The following RNF6 variants were observed in gnomAD, a reference collection of about 807,000 sequenced individuals.
The protein encoded by RNF6 is E3 ubiquitin-protein ligase RNF6.
In RNF6, 21 loss-of-function variants were observed where a neutral mutation model predicts 50.1. That is an observed-to-expected ratio of 0.42 (90% CI 0.30 to 0.60). RNF6 has a LOEUF of 0.60. Ranked by LOEUF, RNF6 falls within the 20% of genes least tolerant of loss-of-function variation. The pLI is 0.20. For synonymous variants in RNF6, 255 were observed against 291.8 expected, an observed-to-expected ratio of 0.87 and a Z score of 1.29; for missense variants, 698 against 838.2, an observed-to-expected ratio of 0.83 and a Z score of 2.07.
chr13:26,163,158 A>G (rs1287353621), intron 5 of RNF6, among the ~76,000 whole-genome samples: 3 of 152,156 alleles, frequency 2.0e-5, no homozygotes, highest in African/African-American at 7.2e-5. Context: ...TAAAAATACA[A>G]AAAATTAGCC....
chr13:26,222,761 G>A (rs1309788479), upstream of RNF6: 1 of 152,302 alleles, frequency 6.6e-6, no homozygotes, highest in Non-Finnish European at 1.5e-5. Context: ...CCCAGTAGCT[G>A]GAACTACAGG....
At chr13:26,150,016 GTA>G (rs1259715335) in intron 5 of RNF6, among the ~76,000 whole-genome samples, 3 of 128,352 alleles carry the variant, frequency 2.3e-5, no homozygotes, top group African/African-American at 9.4e-5. Context: ...TATATAATGT[GTA>G]TATATATATA....
chr13:26,177,683 C>A (rs2137649794), intron 5 of RNF6, among the ~76,000 whole-genome samples: 1 of 152,266 alleles, frequency 6.6e-6, no homozygotes, highest in East Asian at 1.9e-4. Context: ...ACCTAAGTAC[C>A]ACCCTTCAGC....
In RNF6 at chr13:26,218,546, G is replaced by A; in HGVS notation, c.254C>T (p.Ser85Phe). The A allele has an allele frequency of 1.2e-6, 2 of 1,613,912 alleles. No homozygotes were observed. The highest frequency in any genetic ancestry group is 1.7e-6 in the Non-Finnish European group (2 of 1,179,862). The change falls in exon 4 of 5, where the codon TCT (serine) becomes TTT (phenylalanine). Residue 85 changes from serine (S) to phenylalanine (F), a missense_variant. Ser to Phe is a radical substitution (Grantham distance 155). Coordinates refer to ENST00000381588, the MANE Select transcript of RNF6 (RefSeq NM_005977.4). ...RLDGVKEQLA[S>F]QPDLRDGTNY... ...CGTTCCATCTCTCAAGTCAGGCTGAGATGCTAGTTGTTCCTTGACGCCATC... is the reference window on the plus strand; with the variant it reads ...CGTTCCATCTCTCAAGTCAGGCTGAAATGCTAGTTGTTCCTTGACGCCATC...
intron 5 of RNF6, among the ~76,000 whole-genome samples, chr13:26,149,870 GTATA>G (rs749089662): frequency 0.015 from 1,073 of 73,984 alleles, 146 homozygotes; most frequent in African/African-American, 0.051. Context: ...ATGTGTGTGT[GTATA>G]TATATATATA....
At chr13:26,185,311 T>C (rs538499885) in intron 5 of RNF6, among the ~76,000 whole-genome samples, 1 of 152,338 alleles carries the variant, frequency 6.6e-6, no homozygotes, top group East Asian at 1.9e-4. Context: ...CAAGGTATTA[T>C]TTTTATTTTA....
chr13:26,180,511 C>A (rs1258143010), intron 5 of RNF6, among the ~76,000 whole-genome samples: 1 of 152,170 alleles, frequency 6.6e-6, no homozygotes, highest in African/African-American at 2.4e-5. Context: ...GGTCAGAGAG[C>A]AGTTGATATA....
rs747520542 is a variant in RNF6 at position 26,213,973 on chromosome 13, T to C, written c.1909A>G (p.Ser637Gly). ...AGCTTGTTTCCAGTTACATAGTCAC[T>C]AATACAAACACTACAGATTTTACCT... is the stretch of plus-strand genomic sequence containing the variant. ...ELGKICSVCI[S>G]DYVTGNKLRQ... Residue 637 changes from serine (S) to glycine (G), a missense_variant, in exon 5 of 5, where the codon AGT (serine) becomes GGT (glycine). Coordinates refer to ENST00000381588, the MANE Select transcript of RNF6 (RefSeq NM_005977.4). 2 of 1,614,224 alleles carry C rather than the reference T, an allele frequency of 1.2e-6. No homozygotes were observed. Among genetic ancestry groups the C allele is most frequent in the Admixed American group, 3.3e-5 (2 of 60,030 alleles).
At chr13:26,165,130 C>G (rs1253441148) in intron 5 of RNF6, among the ~76,000 whole-genome samples, 1 of 152,154 alleles carries the variant, frequency 6.6e-6, no homozygotes, top group Admixed American at 6.5e-5. Flanking sequence ...GGACTCGGCG[C>G]CCTGCATTCC....
Position 26,214,452 on chromosome 13 carries a change from G to A in RNF6, c.1430C>T (p.Ser477Leu), listed in dbSNP as rs1348041659. The change falls in exon 5 of 5, where the codon TCA becomes TTA. Residue 477 changes from serine to leucine, a missense_variant. Transcript: ENST00000381588. ...ISENELVEPSSVALRSILRQI... is the reference protein window; with the variant it reads ...ISENELVEPSLVALRSILRQI... Reference sequence around the variant, plus strand: ...CCTTAAAATTGACCGAAGAGCCACTGATGATGGCTCAACAAGCTCATTCTC... The same window carrying A: ...CCTTAAAATTGACCGAAGAGCCACTAATGATGGCTCAACAAGCTCATTCTC... The A allele has an allele frequency of 6.2e-7, 1 of 1,614,168 alleles. No individual in the cohort carries two copies. Among genetic ancestry groups the A allele is most frequent in the South Asian group, 1.1e-5 (1 of 91,086 alleles).
At chr13:26,168,193 C>T (rs1413406898) in intron 5 of RNF6, among the ~76,000 whole-genome samples, 1 of 152,112 alleles carries the variant, frequency 6.6e-6, no homozygotes, top group Non-Finnish European at 1.5e-5. Context: ...ACCTATGAAC[C>T]TAAAATAAAA....
intron 5 of RNF6, among the ~76,000 whole-genome samples, chr13:26,133,824 T>C (rs1593137025): frequency 6.6e-6 from 1 of 152,374 alleles, no homozygotes; most frequent in East Asian, 1.9e-4. Context: ...CTAAGATTTC[T>C]ATTTTCTTGA....
intron 5 of RNF6, among the ~76,000 whole-genome samples, chr13:26,133,194 T>C (rs1481129352): frequency 6.6e-6 from 1 of 152,258 alleles, no homozygotes; most frequent in Non-Finnish European, 1.5e-5. Flanking sequence ...TGGGTTTTTA[T>C]GAAAATTTTT....
chr13:26,146,794 G>A (rs1871270555), intron 5 of RNF6, among the ~76,000 whole-genome samples: 1 of 152,138 alleles, frequency 6.6e-6, no homozygotes, highest in Admixed American at 6.5e-5. Context: ...ATATGGTTTG[G>A]CTCTGTGCCC....
downstream of RNF6, among the ~76,000 whole-genome samples, chr13:26,211,594 T>C (rs1252627314): frequency 2.0e-5 from 3 of 151,992 alleles, no homozygotes; most frequent in Admixed American, 6.6e-5. Flanking sequence ...CTGTCTCTAC[T>C]AAAAATACAG....
At position 26,214,331 on chromosome 13, in the gene RNF6, G is replaced by A. The variant is rs762565553; in HGVS notation, c.1551C>T (p.His517=). 2.5e-5 allele frequency: 41 copies of A among 1,613,994 alleles called. No homozygotes were observed. The highest frequency in any genetic ancestry group is 4.0e-5 in the African/African-American group (3 of 74,890). The change falls in exon 5 of 5, where the codon CAC becomes CAT. Residue 517 remains histidine, a synonymous_variant. Coordinates refer to ENST00000381588, the MANE Select transcript of RNF6 (RefSeq NM_005977.4). ...CTGTACCTAAGTTACTCAGTTCTGA[G>A]TGCATGTCTGGTAAATGCTGGCCAT... ...QRNGQHLPDM[H]SELSNLGTDN...
intron 5 of RNF6, among the ~76,000 whole-genome samples, chr13:26,136,436 C>T (rs1736461803): frequency 6.6e-6 from 1 of 152,224 alleles, no homozygotes; most frequent in East Asian, 1.9e-4. Flanking sequence ...CAAAACTACA[C>T]TTGAGGCTTC....
intron 5 of RNF6, among the ~76,000 whole-genome samples, chr13:26,185,258 T>G (rs1183047588): frequency 6.6e-6 from 1 of 152,108 alleles, no homozygotes; most frequent in Non-Finnish European, 1.5e-5. Flanking sequence ...CGCCTCGGCC[T>G]CCAAAAGTGC....
intron 5 of RNF6, among the ~76,000 whole-genome samples, chr13:26,178,190 A>G (rs182778994): frequency 2.2e-4 from 33 of 152,306 alleles, no homozygotes; most frequent in African/African-American, 7.5e-4. Flanking sequence ...CTCCACCTCA[A>G]AAAATAAAAT....
Sources: gnomAD v4.1 joint callset for allele counts (sites outside exome capture counted in the v4.1 genomes callset) on GRCh38, gnomAD v4.1.1 for gene constraint, MANE v1.5 for transcripts, NCBI Gene and HGNC (gene_info 2026-07-23, HGNC 2026-07-21) for gene names.